ATP8A2: variants seen among roughly 807,000 people sequenced by gnomAD.
The protein encoded by ATP8A2 is phospholipid-transporting ATPase IB.
A neutral mutation model predicts 165.6 loss-of-function variants in ATP8A2; 100 were observed. That is an observed-to-expected ratio of 0.60 (90% confidence interval 0.51 to 0.71). The LOEUF (loss-of-function observed/expected upper bound fraction) is 0.71. Among genes scored for constraint, ATP8A2 ranks in the 30% least tolerant of loss-of-function variants. The pLI is 0.00. For synonymous variants in ATP8A2, 543 were observed against 548.8 expected (o/e 0.99, Z 0.15); for missense variants, 1,227 against 1,479.5 (o/e 0.83, Z 2.80).
At chr13:25,961,553 G>A in intron 33 of ATP8A2, 22 bp from the exon 34 acceptor site, 2 of 1,569,660 alleles carry the variant, frequency 1.3e-6, no homozygotes, top group South Asian at 2.2e-5. Flanking sequence ...ATTCAAGCAA[G>A]TGTCACTTCT....
intron 30 of ATP8A2, among the ~76,000 whole-genome samples, chr13:25,857,921 T>C (rs1409454923): frequency 2.0e-5 from 3 of 152,120 alleles, no homozygotes; most frequent in Admixed American, 2.0e-4. Context: ...TTATCGTGTA[T>C]CTGTTTAAGG....
chr13:25,934,781 G>A (rs1954841470), intron 33 of ATP8A2, among the ~76,000 whole-genome samples: 1 of 152,212 alleles, frequency 6.6e-6, no homozygotes, highest in Non-Finnish European at 1.5e-5. Flanking sequence ...GGCCAGAACA[G>A]TGGTGGAGGG....
intron 33 of ATP8A2, among the ~76,000 whole-genome samples, chr13:25,958,343 G>A (rs775605811): frequency 5.3e-5 from 8 of 151,894 alleles, no homozygotes; most frequent in Non-Finnish European, 7.4e-5. Flanking sequence ...CACCACATTC[G>A]TGGACAGCTA....
chr13:25,385,483 AACTT>A (rs1489737573), intron 1 of ATP8A2, among the ~76,000 whole-genome samples: 1 of 152,200 alleles, frequency 6.6e-6, no homozygotes, highest in African/African-American at 2.4e-5. Flanking sequence ...CACTATCTGA[AACTT>A]AATAAGTATT....
intron 18 of ATP8A2, among the ~76,000 whole-genome samples, chr13:25,573,066 T>G (rs774467437): frequency 2.0e-5 from 3 of 152,208 alleles, no homozygotes; most frequent in Non-Finnish European, 2.9e-5. Context: ...TGTACCATCA[T>G]TAAAAGTGGA....
At chr13:25,917,878 G>A (rs1252230438) in intron 33 of ATP8A2, among the ~76,000 whole-genome samples, 2 of 152,158 alleles carry the variant, frequency 1.3e-5, no homozygotes, top group Non-Finnish European at 2.9e-5. Flanking sequence ...GTTAATAGAT[G>A]TATCACAGCC....
At chr13:25,623,902 CATGT>C (rs2041038441) in intron 24 of ATP8A2, among the ~76,000 whole-genome samples, 1 of 151,744 alleles carries the variant, frequency 6.6e-6, no homozygotes, top group African/African-American at 2.4e-5. Context: ...ATCTATAATG[CATGT>C]ATGTATGTGT....
At chr13:25,378,807 T>C (rs920420799) in intron 1 of ATP8A2, among the ~76,000 whole-genome samples, 2 of 152,218 alleles carry the variant, frequency 1.3e-5, no homozygotes, top group African/African-American at 2.4e-5. Flanking sequence ...GCGCCACTGA[T>C]GGCAGGCAGT....
chr13:25,855,881 T>C (rs1168849283), intron 30 of ATP8A2, among the ~76,000 whole-genome samples: 2 of 152,232 alleles, frequency 1.3e-5, no homozygotes, highest in African/African-American at 4.8e-5. Flanking sequence ...GTTTTGATTT[T>C]ATATTTCTTT....
At chr13:25,575,831 G>A (rs1315250285) in intron 19 of ATP8A2, among the ~76,000 whole-genome samples, 1 of 152,102 alleles carries the variant, frequency 6.6e-6, no homozygotes, top group Admixed American at 6.6e-5. Flanking sequence ...ATTGGAAACT[G>A]TGCAGTGCCC....
At chr13:25,473,878 GT>G (rs1039980779) in intron 2 of ATP8A2, among the ~76,000 whole-genome samples, 46 of 152,224 alleles carry the variant, frequency 3.0e-4, no homozygotes, top group African/African-American at 8.9e-4. Context: ...AAGTTAAAAT[GT>G]TTTTTTCCCC....
Position 25,579,941 on chromosome 13 carries a change from T to G in ATP8A2, c.2001T>G (p.Ile667Met). The G allele has an allele frequency of 6.2e-7, 1 of 1,614,000 alleles. No individual in the cohort carries two copies. The highest frequency in any genetic ancestry group is 8.5e-7 in the Non-Finnish European group (1 of 1,179,956). Residue 667 changes from isoleucine (I) to methionine (M), a missense_variant, in exon 22 of 37, where the codon ATT becomes ATG. By Grantham distance (10) the Ile-to-Met change is conservative. Coordinates refer to ENST00000381655, the MANE Select transcript of ATP8A2 (RefSeq NM_016529.6). ...GGTTGGAAGAGTGTTACGAGATCAT[T>G]GAGAAGGTAACCGCACACAATACAG... ...AQRLEECYEI[I>M]EKNLLLLGAT...
At chr13:25,728,403 A>G (rs1354802724) in intron 25 of ATP8A2, among the ~76,000 whole-genome samples, 1 of 152,174 alleles carries the variant, frequency 6.6e-6, no homozygotes, top group Non-Finnish European at 1.5e-5. Flanking sequence ...GGCTAATAAT[A>G]TTACCTGCTT....
chr13:25,378,907 G>A (rs867910279), intron 1 of ATP8A2, among the ~76,000 whole-genome samples: 3 of 152,138 alleles, frequency 2.0e-5, no homozygotes, highest in Non-Finnish European at 4.4e-5. Flanking sequence ...AGTGTTTTTC[G>A]CATATTTTTC....
chr13:25,447,704 C>A (rs1339725761), intron 1 of ATP8A2, among the ~76,000 whole-genome samples: 2 of 152,188 alleles, frequency 1.3e-5, no homozygotes, highest in Non-Finnish European at 2.9e-5. Context: ...GGGTGACAGC[C>A]TTGTACTCTG....
intron 16 of ATP8A2, among the ~76,000 whole-genome samples, chr13:25,569,476 C>G (rs1256900452): frequency 6.6e-6 from 1 of 152,202 alleles, no homozygotes; most frequent in Non-Finnish European, 1.5e-5. Context: ...AGATATAAAT[C>G]TATCTCAATT....
intron 29 of ATP8A2, 91 bp from the exon 30 acceptor site, chr13:25,839,455 A>C: frequency 7.0e-6 from 6 of 859,924 alleles, no homozygotes; most frequent in South Asian, 1.3e-5. Flanking sequence ...GCGCACGGCC[A>C]GGATCCTTCA....
intron 30 of ATP8A2, among the ~76,000 whole-genome samples, chr13:25,852,872 A>G (rs536943881): frequency 6.7e-4 from 102 of 151,736 alleles, no homozygotes; most frequent in African/African-American, 2.2e-3. Context: ...CTATTGCACT[A>G]CAGCCTGGGC....
intron 2 of ATP8A2, among the ~76,000 whole-genome samples, chr13:25,508,618 C>A (rs557050890): frequency 1.1e-4 from 17 of 152,220 alleles, no homozygotes; most frequent in African/African-American, 3.4e-4. Context: ...TGTGTGAATA[C>A]GTGTGTTGAG....
Sources: gnomAD v4.1 joint callset for allele counts (sites outside exome capture counted in the v4.1 genomes callset) on GRCh38, gnomAD v4.1.1 for gene constraint, MANE v1.5 for transcripts, NCBI Gene and HGNC (gene_info 2026-07-23, HGNC 2026-07-21) for gene names.